FGF14: variants seen among roughly 807,000 people sequenced by gnomAD.
FGF14 encodes the protein fibroblast growth factor homologous factor 4.
Under a neutral mutation model 25.5 loss-of-function variants are expected in FGF14, and 5 were observed. The observed-to-expected ratio is 0.20, with a 90% CI of 0.10 to 0.41. The LOEUF is 0.41. FGF14 is among the 10% of genes least tolerant of loss of function. The probability of loss-of-function intolerance (pLI) is 1.00; values close to 1 mark genes in which losing one functional copy is unlikely to be tolerated. For synonymous variants in FGF14, 138 were observed against 118.3 expected (o/e 1.17, Z -1.08); for missense variants, 222 against 320.1 (o/e 0.69, Z 2.34).
At chr13:101,918,155 A>G (rs934122556), upstream of FGF14, among the ~76,000 whole-genome samples, 3 of 152,056 alleles carry the variant, frequency 2.0e-5, no homozygotes, top group African/African-American at 4.8e-5. Context: ...GATACCTGAA[A>G]ATGTGAAGGT....
At chr13:102,304,760 C>G (rs947354003) in intron 1 of FGF14, among the ~76,000 whole-genome samples, 8 of 152,142 alleles carry the variant, frequency 5.3e-5, no homozygotes, top group African/African-American at 1.9e-4. Context: ...GGCCTCCTGC[C>G]AACAACCAGC....
intron 1 of FGF14, among the ~76,000 whole-genome samples, chr13:102,261,664 A>G (rs529680875): frequency 6.6e-6 from 1 of 152,362 alleles, no homozygotes; most frequent in Admixed American, 6.5e-5. Context: ...TTCTATAAAA[A>G]TACATCACAC....
intron 1 of FGF14, among the ~76,000 whole-genome samples, chr13:101,992,822 C>T (rs945401038): frequency 3.3e-5 from 5 of 151,516 alleles, no homozygotes; most frequent in Non-Finnish European, 7.4e-5. Context: ...AACAGAATAT[C>T]CAGGAATTGG....
chr13:101,880,140 C>T (rs1023939230), intron 1 of FGF14, among the ~76,000 whole-genome samples: 10 of 152,192 alleles, frequency 6.6e-5, no homozygotes, highest in African/African-American at 2.4e-4. Context: ...GATTACCCAA[C>T]TCACGGTCCC....
At position 102,000,357 on chromosome 13, in the gene FGF14, T is replaced by A. The variant is rs571828456; in HGVS notation, c.209-125061A>T. On this transcript the variant is annotated intron_variant, in intron 1 of 4. Transcript: ENST00000376131. ...AAAAAAATCTCATGTTCTAGAACAT[T>A]TCACAGCATGTGAAAATGCTTATAT... Among the ~76,000 whole-genome samples, 16 of 152,258 alleles carry A rather than the reference T, an allele frequency of 1.1e-4. No homozygotes were observed. The South Asian group carries it at 3.3e-3, about 32-fold the overall frequency.
chr13:102,142,803 A>C (rs2140463154), intron 1 of FGF14, among the ~76,000 whole-genome samples: 1 of 152,292 alleles, frequency 6.6e-6, no homozygotes, highest in East Asian at 1.9e-4. Context: ...ACTTTATTAA[A>C]ATTTCTCTAA....
At chr13:102,263,787 A>G (rs1177556256) in intron 1 of FGF14, among the ~76,000 whole-genome samples, 1 of 152,100 alleles carries the variant, frequency 6.6e-6, no homozygotes, top group Non-Finnish European at 1.5e-5. Flanking sequence ...CAGAATAAAC[A>G]CTCTTAGACA....
At chr13:102,296,099 T>C (rs1196973021) in intron 1 of FGF14, among the ~76,000 whole-genome samples, 1 of 119,644 alleles carries the variant, frequency 8.4e-6, no homozygotes, top group African/African-American at 3.6e-5. Flanking sequence ...ATTTGTATAT[T>C]TCAACTCTAC....
At chr13:101,957,142 T>G (rs556575447) in intron 1 of FGF14, among the ~76,000 whole-genome samples, 11 of 152,280 alleles carry the variant, frequency 7.2e-5, no homozygotes, top group African/African-American at 2.6e-4. Flanking sequence ...CAACTCAAAT[T>G]TGCATTGAGA....
At chr13:101,948,625 AGCTTCCCAATACATAAT>A (rs1212313393) in intron 1 of FGF14, among the ~76,000 whole-genome samples, 27 of 152,176 alleles carry the variant, frequency 1.8e-4, no homozygotes, top group Admixed American at 1.4e-3. Context: ...CCAACACATA[AGCTTCCCAATACATAAT>A]GCTTCCCAAT....
intron 1 of FGF14, among the ~76,000 whole-genome samples, chr13:102,193,796 T>G (rs553217226): frequency 1.3e-5 from 2 of 152,292 alleles, no homozygotes; most frequent in South Asian, 4.1e-4. Flanking sequence ...TTTCCAGAGT[T>G]GCTACATCAT....
chr13:101,956,322 G>A (rs2036513001), intron 1 of FGF14, among the ~76,000 whole-genome samples: 1 of 152,118 alleles, frequency 6.6e-6, no homozygotes, highest in Admixed American at 6.6e-5. Context: ...ACTTGACATT[G>A]CGTATTATCA....
intron 1 of FGF14, among the ~76,000 whole-genome samples, chr13:102,284,889 CCT>C (rs544510822): frequency 1.7e-4 from 26 of 151,996 alleles, no homozygotes; most frequent in African/African-American, 6.3e-4. Flanking sequence ...TCTCTCTCAC[CCT>C]GTCATTCTTC....
Position 101,794,469 on chromosome 13 carries a change from C to T in FGF14, c.409-67659G>A, listed in dbSNP as rs114899627. Among the ~76,000 whole-genome samples the T allele has an allele frequency of 6.9e-3, 1,055 of 152,210 alleles. 12 individuals are homozygous for T. Among genetic ancestry groups the T allele is most frequent in the African/African-American group, 0.023 (958 of 41,558 alleles). On this transcript the variant is annotated intron_variant, in intron 3 of 4. Coordinates refer to ENST00000376143, the MANE Select transcript of FGF14 (RefSeq NM_004115.4). ...GACCACTTATGTACAACACTGCCAG[C>T]GGTCCCTTTTTCTAGGGCCAAATCG...
intron 1 of FGF14, among the ~76,000 whole-genome samples, chr13:102,177,677 T>A (rs946590731): frequency 6.6e-6 from 1 of 151,988 alleles, no homozygotes; most frequent in Non-Finnish European, 1.5e-5. Context: ...TTGAGTGATT[T>A]CTCAGGAACC....
intron 3 of FGF14, among the ~76,000 whole-genome samples, chr13:101,842,186 T>C (rs2043226915): frequency 6.6e-6 from 1 of 151,976 alleles, no homozygotes; most frequent in Non-Finnish European, 1.5e-5. Context: ...ATTTCTTTTG[T>C]CCTTTTTCCA....
At chr13:102,019,687 C>A (rs181700313) in intron 1 of FGF14, among the ~76,000 whole-genome samples, 2 of 152,278 alleles carry the variant, frequency 1.3e-5, no homozygotes, top group African/African-American at 4.8e-5. Context: ...AAGCCTTTGG[C>A]AAGTGCTGAA....
At chr13:101,954,931 T>G (rs192487642) in intron 1 of FGF14, among the ~76,000 whole-genome samples, 21 of 152,364 alleles carry the variant, frequency 1.4e-4, no homozygotes, top group Admixed American at 1.4e-3. Context: ...ATGGTCTCTA[T>G]GGACTAATAA....
rs572537505 is a variant in FGF14 at position 101,712,701 on chromosome 13, T to C, written c.*10130A>G. Reference sequence around the variant, plus strand: ...GAAACTTCTCTGATAGTCAATGAAATACTCCATGTGGTCTTTGTTGGCAGA... The same window carrying C: ...GAAACTTCTCTGATAGTCAATGAAACACTCCATGTGGTCTTTGTTGGCAGA... On this transcript the variant is annotated 3_prime_UTR_variant, in exon 5 of 5. Transcript: ENST00000376143. The C allele has an allele frequency of 6.6e-6, 1 of 152,328 alleles. No individual in the cohort carries two copies. The highest frequency in any genetic ancestry group is 1.9e-4 in the East Asian group (1 of 5,186). 9.4% of individuals were successfully genotyped at this position (152,328 alleles called of 1,614,324 possible).
Sources: allele counts gnomAD v4.1 joint callset (sites outside exome capture counted in the v4.1 genomes callset), GRCh38; gene constraint gnomAD v4.1.1; transcripts MANE v1.5; gene names NCBI Gene and HGNC (gene_info 2026-07-23, HGNC 2026-07-21).